The following ABCB10 variants were observed in gnomAD, a reference collection of about 807,000 sequenced individuals.
ABCB10 encodes the protein ATP binding cassette subfamily B member 10, also known as ATP-binding cassette sub-family B member 10, mitochondrial.
In ABCB10, 54 loss-of-function variants were observed where a neutral mutation model predicts 65.4. The observed-to-expected ratio is 0.83, with a 90% CI of 0.66 to 1.04. ABCB10 has a LOEUF of 1.04. ABCB10 is among the 50% of genes least tolerant of loss of function. The pLI is 0.00. For missense variants in ABCB10, 846 were observed against 976.6 expected, an observed-to-expected ratio of 0.87 and a Z score of 1.78; for synonymous variants, 418 against 406.5, an observed-to-expected ratio of 1.03 and a Z score of -0.34.
At position 229,530,229 on chromosome 1, in the gene ABCB10, G is replaced by A. The variant is rs1169162874; in HGVS notation, c.1615C>T (p.Leu539Phe). ...SGSGKSTVLSLLLRLYDPASG... is the reference protein window; with the variant it reads ...SGSGKSTVLSFLLRLYDPASG... ...GCAGGGTCGTACAACCTCAGCAGGA[G>A]TGAAAGCACTGTTGATTTGCCAGAA... Residue 539 changes from leucine (L) to phenylalanine (F), a missense_variant, in exon 8 of 13, where the codon CTC becomes TTC. By Grantham distance (22) the Leu-to-Phe change is conservative. Around this residue, in one of 2 missense-constraint regions of ABCB10, gnomAD observed 632 missense variants for 803.2 expected, o/e 0.79. Coordinates refer to ENST00000344517, the MANE Select transcript of ABCB10 (RefSeq NM_012089.3). The A allele has an allele frequency of 3.7e-6, 6 of 1,614,104 alleles. No homozygotes were observed. The highest frequency in any genetic ancestry group is 5.1e-6 in the Non-Finnish European group (6 of 1,179,992).
At chr1:229,542,085 T>G in intron 4 of ABCB10, 152 bp downstream of exon 4, 8 of 1,075,726 alleles carry the variant, frequency 7.4e-6, no homozygotes, top group Non-Finnish European at 2.5e-6. Context: ...ACAGAGTAGT[T>G]TAAGTTTCAT....
At position 229,518,429 on chromosome 1, in the gene ABCB10, C is replaced by T; in HGVS notation, c.1986-19G>A. On this transcript the variant is annotated intron_variant, in intron 12 of 12. Coordinates refer to ENST00000344517, the MANE Select transcript of ABCB10 (RefSeq NM_012089.3). ...CAGCGCACTGACACAGGAGCACACA[C>T]ACAAGAAAGCAAAGACGTCAGTGAC... 6.2e-7 allele frequency: 1 copy of T among 1,605,650 alleles called. No homozygotes were observed.
chr1:229,526,463 G>A (rs1451192140), intron 9 of ABCB10, among the ~76,000 whole-genome samples: 13 of 152,256 alleles, frequency 8.5e-5, no homozygotes, highest in Middle Eastern at 6.8e-3. Context: ...AACCACATGG[G>A]AACAAACAAT....
intron 10 of ABCB10, among the ~76,000 whole-genome samples, chr1:229,522,820 A>G (rs1662347593): frequency 6.6e-6 from 1 of 151,958 alleles, no homozygotes; most frequent in African/African-American, 2.4e-5. Context: ...GCTGAGACTG[A>G]TAATTCTAAT....
chr1:229,524,400 C>T (rs1662383844), intron 10 of ABCB10, among the ~76,000 whole-genome samples: 6 of 152,150 alleles, frequency 3.9e-5, no homozygotes, highest in Admixed American at 1.3e-4. Context: ...TGAGCTCAAG[C>T]AATCAGCCTG....
At chr1:229,545,230 C>T (rs900006618) in intron 3 of ABCB10, among the ~76,000 whole-genome samples, 3 of 152,168 alleles carry the variant, frequency 2.0e-5, no homozygotes, top group Non-Finnish European at 2.9e-5. Flanking sequence ...ATTTGGAAAA[C>T]GGCATGTTAG....
Position 229,522,853 on chromosome 1 carries a change from T to TC in ABCB10, c.1907-1219_1907-1218insG, listed in dbSNP as rs61585668. On this transcript the variant is annotated intron_variant, in intron 10 of 12. Coordinates refer to ENST00000344517, the MANE Select transcript of ABCB10 (RefSeq NM_012089.3). ...AATATTCCCACATTATAGCAATTCT[T>TC]TTTTTATTTTTTTTGAGACAAGAGT... Among the ~76,000 whole-genome samples the TC allele has an allele frequency of 1.4e-4, 21 of 151,690 alleles. No homozygotes were observed. In the East Asian group the frequency reaches 3.7e-3, roughly 27 times the overall value.
rs1176229657 is a variant in ABCB10 at position 229,558,389 on chromosome 1, C to T, written c.264G>A (p.Arg88=). The T allele has an allele frequency of 1.6e-6, 2 of 1,236,802 alleles. No individual in the cohort carries two copies. Among genetic ancestry groups the T allele is most frequent in the South Asian group, 2.2e-5 (1 of 45,246 alleles). 76.6% of individuals were successfully genotyped at this position (1,236,802 alleles called of 1,614,324 possible). A position where few individuals can be genotyped will look rare whatever the true frequency, so the allele number is the denominator to read the frequency against. ...GGCCGCGAGCCCACAGCCCCAGGAG[C>T]CGCGCGAGGCCCAGGACGCCCCGCG... ...GASRGVLGLA[R]LLGLWARGPG... Residue 88 remains arginine, a synonymous_variant, in exon 1 of 13, where the codon CGG becomes CGA. Coordinates refer to ENST00000344517, the MANE Select transcript of ABCB10 (RefSeq NM_012089.3).
intron 10 of ABCB10, among the ~76,000 whole-genome samples, chr1:229,522,853 T>TCTC (rs61585668): frequency 2.7e-4 from 41 of 151,690 alleles, no homozygotes; most frequent in African/African-American, 9.7e-4. Context: ...TAGCAATTCT[T>TCTC]TTTTTATTTT....
intron 6 of ABCB10, among the ~76,000 whole-genome samples, chr1:229,538,975 T>C (rs1033607378): frequency 2.0e-5 from 3 of 152,208 alleles, no homozygotes; most frequent in African/African-American, 7.2e-5. Flanking sequence ...GCAACTCTGT[T>C]TCATACACTT....
At chr1:229,521,483 A>C (rs3738186) in intron 11 of ABCB10, 109 bp downstream of exon 11, 271,383 of 1,368,962 alleles carry the variant, frequency 0.2, 28,290 homozygotes, top group Middle Eastern at 0.25. Flanking sequence ...GAAAAAAAAA[A>C]AAACAAAAAA....
intron 3 of ABCB10, 30 bp from the exon 4 acceptor site, chr1:229,542,401 G>T: frequency 6.2e-7 from 1 of 1,604,560 alleles, no homozygotes; most frequent in Non-Finnish European, 8.5e-7. Flanking sequence ...ATTCAGAGGT[G>T]TTTGTTACAT....
In ABCB10 at chr1:229,521,555, C is replaced by A. The variant is rs373815737; in HGVS notation, c.1950+37G>T. 1.7e-5 allele frequency: 26 copies of A among 1,557,042 alleles called. No homozygotes were observed. In the African/African-American group the frequency reaches 3.3e-4, roughly 20 times the overall value. On this transcript the variant is annotated intron_variant, in intron 11 of 12. Transcript: ENST00000344517. ...TACAAGGTCCCTAATAAAAATAATC[C>A]CTAATTTAAAAAACATCCAAGTCGC...
chr1:229,557,585 T>C (rs973467226), intron 1 of ABCB10, among the ~76,000 whole-genome samples: 5 of 152,226 alleles, frequency 3.3e-5, no homozygotes, highest in Admixed American at 2.6e-4. Context: ...GTTACTCAAT[T>C]ACTGAACAGA....
intron 8 of ABCB10, among the ~76,000 whole-genome samples, chr1:229,528,286 T>C (rs1021092406): frequency 7.2e-5 from 11 of 152,170 alleles, no homozygotes; most frequent in Non-Finnish European, 7.3e-5. Context: ...TCAGTATTTT[T>C]ACTTGAATTA....
chr1:229,551,462 T>C (rs1429157485), intron 1 of ABCB10, among the ~76,000 whole-genome samples: 2 of 152,212 alleles, frequency 1.3e-5, no homozygotes, highest in Non-Finnish European at 1.5e-5. Context: ...AGAATCTCAA[T>C]CACTATTTTG....
chr1:229,535,038 T>TAAAAAAAAAAAAAAAAAAAAA (rs71173739), intron 6 of ABCB10: 4 of 47,476 alleles, frequency 8.4e-5, no homozygotes, highest in African/African-American at 3.1e-4. Context: ...AGACTCCCTT[T>TAAAAAAAAAAAAAAAAAAAAA]AAAAAAAAAA....
intron 6 of ABCB10, among the ~76,000 whole-genome samples, chr1:229,537,696 A>G (rs540836444): frequency 6.6e-6 from 1 of 152,346 alleles, no homozygotes; most frequent in South Asian, 2.1e-4. Context: ...AGGCTGAGGC[A>G]GGAGAACTGC....
At chr1:229,535,918 GT>G (rs1662708483) in intron 6 of ABCB10, among the ~76,000 whole-genome samples, 1 of 152,058 alleles carries the variant, frequency 6.6e-6, no homozygotes, top group South Asian at 2.1e-4. Flanking sequence ...TAGAGACAGG[GT>G]TTTGCCATGT....
Sources: gnomAD v4.1 joint callset for allele counts (sites outside exome capture counted in the v4.1 genomes callset) on GRCh38, gnomAD v4.1.1 for gene constraint, gnomAD v4.1.1 regional missense constraint, MANE v1.5 for transcripts, NCBI Gene and HGNC (gene_info 2026-07-23, HGNC 2026-07-21) for gene names.